Variants in ZNF677 observed in about 807,000 individuals in gnomAD.
ZNF677 encodes zinc finger protein 677, also known as hypothetical protein MGC48625.
A neutral mutation model predicts 8.1 loss-of-function variants in ZNF677; 5 were observed. That is an observed-to-expected ratio of 0.62 (90% confidence interval 0.32 to 1.29). The LOEUF (loss-of-function observed/expected upper bound fraction) is 1.29. ZNF677 is among the 50% of genes most tolerant of loss of function. The pLI, the probability that ZNF677 is intolerant of heterozygous loss-of-function variation, is 0.05. For synonymous variants in ZNF677, 221 were observed against 225.6 expected (o/e 0.98, Z 0.18); for missense variants, 685 against 685.9 (o/e 1.00, Z 0.01).
At chr19:53,240,604 T>C (rs2146936891) in intron 4 of ZNF677, 1 of 152,302 alleles carries the variant, frequency 6.6e-6, no homozygotes, top group African/African-American at 2.4e-5. Context: ...GGCCATATAC[T>C]ATATGGTTCC....
At chr19:53,250,178 A>G (rs8104750) in intron 3 of ZNF677, among the ~76,000 whole-genome samples, 112,352 of 152,046 alleles carry the variant, frequency 0.74, 42,065 homozygotes, top group African/African-American at 0.86. Flanking sequence ...AGCCCCTTTT[A>G]GCTATTATTA....
At chr19:53,246,387 C>G (rs1056643059) in intron 3 of ZNF677, among the ~76,000 whole-genome samples, 2 of 151,192 alleles carry the variant, frequency 1.3e-5, no homozygotes, top group African/African-American at 4.9e-5. Flanking sequence ...AAATCAGGAT[C>G]TTGAAGAGAG....
intron 2 of ZNF677, among the ~76,000 whole-genome samples, chr19:53,251,978 T>C (rs569524710): frequency 1.3e-5 from 2 of 152,258 alleles, no homozygotes; most frequent in African/African-American, 4.8e-5. Context: ...CCACCATAGC[T>C]CCACGAATCC....
intron 3 of ZNF677, chr19:53,249,225 T>C (rs1487532862): frequency 1.3e-5 from 2 of 152,236 alleles, no homozygotes; most frequent in Non-Finnish European, 2.9e-5. Context: ...TCTCTAAGCA[T>C]GGTTAAGATA....
intron 3 of ZNF677, among the ~76,000 whole-genome samples, chr19:53,244,350 A>G (rs1218941513): frequency 6.6e-6 from 1 of 152,232 alleles, no homozygotes; most frequent in Non-Finnish European, 1.5e-5. Context: ...GAGACAGAGC[A>G]AGACTTCACC....
chr19:53,249,747 C>A (rs1262121759), intron 3 of ZNF677, among the ~76,000 whole-genome samples: 1 of 133,616 alleles, frequency 7.5e-6, no homozygotes, highest in East Asian at 1.9e-4. Context: ...ATGTTTACTA[C>A]AAAAGAAATG....
At position 53,237,520 on chromosome 19, in the gene ZNF677, A is replaced by G. The variant is rs757585609; in HGVS notation, c.1207T>C (p.Tyr403His). 3.7e-6 allele frequency: 6 copies of G among 1,613,850 alleles called. No individual in the cohort carries two copies. The South Asian group carries it at 6.6e-5, about 18-fold the overall frequency. ...HKRIHTGEKP[Y>H]ICNECGKAFK... is the part of the protein sequence containing the mutation. ...GCTTTGCCACACTCATTACATATGT[A>G]AGGCTTCTCTCCAGTATGGATTCTC... Residue 403 changes from tyrosine (Y) to histidine (H), a missense_variant, in exon 5 of 5, where the codon TAC (tyrosine) becomes CAC (histidine). Tyr to His is a moderately conservative substitution (Grantham distance 83). Transcript: ENST00000598513.
rs2091092559 is a variant in ZNF677 at position 53,243,759 on chromosome 19, T to C, written c.154A>G (p.Ile52Val). Residue 52 changes from isoleucine to valine, a missense_variant, in exon 4 of 5, where the codon ATC (isoleucine) becomes GTC (valine). Physicochemically the swap from Ile to Val is conservative, Grantham distance 29. Transcript: ENST00000598513. ...RNLLSLDEDN[I>V]PPEDDISVGF... Reference sequence around the variant, plus strand: ...GGGTGGTTACCATCTTCTGGAGGGATGTTATCCTCATCGAGAGAAAGCAGG... The same window carrying C: ...GGGTGGTTACCATCTTCTGGAGGGACGTTATCCTCATCGAGAGAAAGCAGG... 16 of 1,614,168 alleles carry C rather than the reference T, an allele frequency of 9.9e-6. No individual in the cohort carries two copies. The highest frequency in any genetic ancestry group is 1.7e-5 in the Admixed American group (1 of 60,024).
chr19:53,244,939 A>G (rs1292316864), intron 3 of ZNF677, among the ~76,000 whole-genome samples: 1 of 152,218 alleles, frequency 6.6e-6, no homozygotes, highest in African/African-American at 2.4e-5. Flanking sequence ...GCCCAGAAAT[A>G]AACTCACACA....
chr19:53,248,167 A>G (rs1964216607), intron 3 of ZNF677, among the ~76,000 whole-genome samples: 1 of 152,162 alleles, frequency 6.6e-6, no homozygotes, highest in African/African-American at 2.4e-5. Flanking sequence ...TTCCATCAGA[A>G]GCTGATAATA....
chr19:53,247,113 G>A (rs528179156), intron 3 of ZNF677, among the ~76,000 whole-genome samples: 5 of 152,220 alleles, frequency 3.3e-5, no homozygotes, highest in African/African-American at 9.6e-5. Flanking sequence ...ACTCGATTGT[G>A]GTGTGAGAAT....
chr19:53,251,845 C>T (rs1372541546), intron 2 of ZNF677, among the ~76,000 whole-genome samples: 5 of 152,166 alleles, frequency 3.3e-5, no homozygotes, highest in Non-Finnish European at 7.3e-5. Context: ...GCATCAATTG[C>T]ATTGTCCTTT....
At position 53,238,070 on chromosome 19, in the gene ZNF677, C is replaced by T. The variant is rs1399248515; in HGVS notation, c.657G>A (p.Lys219=). Residue 219 remains lysine (K), a synonymous_variant, in exon 5 of 5, where the codon AAG becomes AAA. Coordinates refer to ENST00000598513, the MANE Select transcript of ZNF677 (RefSeq NM_182609.4). ...GTGAAACTGAGGAACTATTGATAGA[C>T]TTCTCAACTGGATTACATTCATACA... is the stretch of plus-strand genomic sequence containing the variant. The part of the protein sequence containing the change: ...EKMYECNPVE[K]SINSSSVSPL... 3 of 1,613,916 alleles carry T rather than the reference C, an allele frequency of 1.9e-6. No individual in the cohort carries two copies. In the East Asian group the frequency reaches 6.7e-5, roughly 36 times the overall value.
intron 4 of ZNF677, 131 bp from the exon 5 acceptor site, chr19:53,238,688 T>A: frequency 1.2e-6 from 1 of 819,940 alleles, no homozygotes; most frequent in Non-Finnish European, 1.8e-6. Flanking sequence ...CAACTGTCTT[T>A]AAACGTTTAA....
At position 53,237,112 on chromosome 19, in the gene ZNF677, C is replaced by T; in HGVS notation, c.1615G>A (p.Glu539Lys). ...NLTRHQKIHI[E>K]KKHCKHNIHG... ...ATATTATGTTTACAATGTTTCTTTT[C>T]AATGTGTATTTTCTGGTGTCTAGTG... The change falls in exon 5 of 5, where the codon GAA becomes AAA. Residue 539 changes from glutamate (E) to lysine (K), a missense_variant. Transcript: ENST00000598513. 1 of 1,613,800 alleles carries T rather than the reference C, an allele frequency of 6.2e-7. No homozygotes were observed. The highest frequency in any genetic ancestry group is 1.1e-5 in the South Asian group (1 of 90,998).
intron 3 of ZNF677, among the ~76,000 whole-genome samples, chr19:53,247,335 T>C (rs1355164179): frequency 2.6e-5 from 4 of 151,974 alleles, no homozygotes; most frequent in Non-Finnish European, 5.9e-5. Context: ...AGAGGAAGAA[T>C]TGTTTTGGGC....
intron 3 of ZNF677, among the ~76,000 whole-genome samples, chr19:53,247,499 G>C (rs2091164897): frequency 1.3e-5 from 2 of 152,264 alleles, no homozygotes; most frequent in South Asian, 2.1e-4. Context: ...CCGTGGGTTA[G>C]ATAATCTTGG....
rs2090974068 is a variant in ZNF677 at position 53,236,554 on chromosome 19, T to A, written c.*418A>T. ...GTTCCCTCTAGCCTGAATTTTTGTA[T>A]GACAAAATGCTTGCATATAAGGATG... On this transcript the variant is annotated 3_prime_UTR_variant, in exon 5 of 5. Coordinates refer to ENST00000598513, the MANE Select transcript of ZNF677 (RefSeq NM_182609.4). The A allele has an allele frequency of 6.5e-6, 1 of 154,300 alleles. No homozygotes were observed. The allele number at this position is 154,300 out of a possible 1,614,324, so 9.6% of individuals were successfully genotyped here. A position where few individuals can be genotyped will look rare whatever the true frequency, so the allele number is the denominator to read the frequency against.
chr19:53,244,171 G>A (rs2091100453), intron 3 of ZNF677, among the ~76,000 whole-genome samples: 1 of 152,046 alleles, frequency 6.6e-6, no homozygotes, highest in African/African-American at 2.4e-5. Flanking sequence ...AAACAGTCTG[G>A]ACAACGAAGT....
Sources: gnomAD v4.1 joint callset for allele counts (sites outside exome capture counted in the v4.1 genomes callset) on GRCh38, gnomAD v4.1.1 for gene constraint, MANE v1.5 for transcripts, NCBI Gene and HGNC (gene_info 2026-07-23, HGNC 2026-07-21) for gene names.